KLHL23: variants seen among roughly 807,000 people sequenced by gnomAD.
KLHL23 encodes kelch like family member 23.
KLHL23 carries 33 observed loss-of-function variants against 48.9 expected under a neutral mutation model. The ratio of observed to expected loss-of-function variants is 0.67; its 90% CI spans 0.51 to 0.90. The LOEUF (loss-of-function observed/expected upper bound fraction) is 0.90, where lower values mean the gene tolerates loss of function less well. KLHL23 is among the 40% of genes least tolerant of loss of function. The pLI is 0.00. For synonymous variants in KLHL23, 234 were observed against 231.6 expected (o/e 1.01, Z -0.09); for missense variants, 608 against 669.6 (o/e 0.91, Z 1.02).
intron 2 of KLHL23, among the ~76,000 whole-genome samples, chr2:169,738,861 CCCTCTCTTCCCCCTT>C (rs1688590487): frequency 4.1e-4 from 1 of 2,416 alleles, no homozygotes; most frequent in African/African-American, 2.6e-3. Flanking sequence ...CCTCACCCTC[CCCTCTCTTCCCCCTT>C]CCCCTCCCTC....
chr2:169,734,729 C>T (rs1688471206), intron 1 of KLHL23, among the ~76,000 whole-genome samples: 1 of 152,110 alleles, frequency 6.6e-6, no homozygotes, highest in Non-Finnish European at 1.5e-5. Context: ...CATCTCCGAA[C>T]GCCAGGCCAG....
chr2:169,741,904 G>C (rs1688685452), intron 3 of KLHL23, among the ~76,000 whole-genome samples: 1 of 152,178 alleles, frequency 6.6e-6, no homozygotes, highest in South Asian at 2.1e-4. Flanking sequence ...CAAATAGTCA[G>C]AAAGGGTACC....
intron 2 of KLHL23, among the ~76,000 whole-genome samples, chr2:169,738,760 A>G (rs747171412): frequency 9.9e-5 from 15 of 150,960 alleles, no homozygotes; most frequent in Non-Finnish European, 2.1e-4. Flanking sequence ...AGACAAAACC[A>G]ACGTTTTCAA....
chr2:169,736,279 C>T, intron 2 of KLHL23, 52 bp downstream of exon 2: 1 of 1,529,076 alleles, frequency 6.5e-7, no homozygotes. Flanking sequence ...GGAGCTAGGC[C>T]AGCAGTCTCA....
Position 169,751,878 on chromosome 2 carries a change from A to T in KLHL23, c.*2146A>T, listed in dbSNP as rs1452729075. ...ATTTTCAATAAAAATAAATCACTGTACATAGTAAGACTGCTTGAATTTGGG... is the reference window on the plus strand; with the variant it reads ...ATTTTCAATAAAAATAAATCACTGTTCATAGTAAGACTGCTTGAATTTGGG... On this transcript the variant is annotated 3_prime_UTR_variant, in exon 4 of 4. Transcript: ENST00000392647. 1 of 152,312 alleles carries T rather than the reference A, an allele frequency of 6.6e-6. No individual in the cohort carries two copies. Among genetic ancestry groups the T allele is most frequent in the Admixed American group, 6.5e-5 (1 of 15,296 alleles). The allele number at this position is 152,312 out of a possible 1,614,324, so 9.4% of individuals were successfully genotyped here. A position where few individuals can be genotyped will look rare whatever the true frequency, so the allele number is the denominator to read the frequency against.
intron 2 of KLHL23, among the ~76,000 whole-genome samples, chr2:169,739,248 C>T (rs964131857): frequency 2.6e-5 from 4 of 151,906 alleles, no homozygotes; most frequent in African/African-American, 9.7e-5. Context: ...CCTTCAAAAT[C>T]AGGCCCTCGA....
intron 2 of KLHL23, chr2:169,740,855 C>T (rs1412358300): frequency 6.7e-6 from 1 of 149,592 alleles, no homozygotes; most frequent in Non-Finnish European, 1.5e-5. Flanking sequence ...CACAGACATA[C>T]ACATTAGCTG....
intron 2 of KLHL23, among the ~76,000 whole-genome samples, chr2:169,737,366 C>G (rs1372167302): frequency 6.6e-6 from 1 of 152,124 alleles, no homozygotes; most frequent in Admixed American, 6.5e-5. Flanking sequence ...ACTGTCACAC[C>G]AGGGTGGGAG....
At chr2:169,741,582 T>G (rs1301145718) in intron 3 of KLHL23, 45 bp downstream of exon 3, 2 of 1,552,010 alleles carry the variant, frequency 1.3e-6, no homozygotes, top group African/African-American at 1.4e-5. Flanking sequence ...TGATGTAGTT[T>G]AGTAGCATAA....
chr2:169,750,043 A>ACGTTT lies in KLHL23; in HGVS notation c.*311_*312insCGTTT, dbSNP rs11444477. On this transcript the variant is annotated 3_prime_UTR_variant, in exon 4 of 4. Coordinates refer to ENST00000392647, the MANE Select transcript of KLHL23 (RefSeq NM_144711.6). ...TGTATGTATACATATGTGTATATATAGTATGTATGTATACATGTATGTGTA... is the reference window on the plus strand; with the variant it reads ...TGTATGTATACATATGTGTATATATACGTTTGTATGTATGTATACATGTATGTGTA... The ACGTTT allele has an allele frequency of 0.011, 234 of 21,372 alleles. 50 individuals carry two copies. The highest frequency in any genetic ancestry group is 0.033 in the African/African-American group (222 of 6,816). 1.3% of individuals were successfully genotyped at this position (21,372 alleles called of 1,614,324 possible).
intron 3 of KLHL23, among the ~76,000 whole-genome samples, chr2:169,744,660 G>T (rs898316458): frequency 2.6e-5 from 4 of 151,798 alleles, no homozygotes; most frequent in Non-Finnish European, 4.4e-5. Flanking sequence ...CCAGGTTCAA[G>T]GTATTCTCCT....
intron 3 of KLHL23, 42 bp from the exon 4 acceptor site, chr2:169,749,380 A>C: frequency 6.6e-7 from 1 of 1,503,890 alleles, no homozygotes; most frequent in African/African-American, 1.4e-5. Context: ...TTTGTTTGTT[A>C]TCCTTTAAAA....
intron 3 of KLHL23, among the ~76,000 whole-genome samples, chr2:169,745,987 G>C (rs940484950): frequency 2.6e-5 from 4 of 152,212 alleles, no homozygotes; most frequent in Non-Finnish European, 5.9e-5. Context: ...TGGTGGCTCT[G>C]GGTATGGGGA....
At position 169,741,390 on chromosome 2, in the gene KLHL23, G is replaced by A; in HGVS notation, c.1219G>A (p.Gly407Arg). ...IPIANMIKGV[G>R]NATACVLHDV... Reference sequence around the variant, plus strand: ...TGATTTTAATTAATACGTAGGTGTGGGAAATGCTACTGCCTGTGTCTTACA... The same window carrying A: ...TGATTTTAATTAATACGTAGGTGTGAGAAATGCTACTGCCTGTGTCTTACA... The change falls in exon 3 of 4, where the codon GGA becomes AGA. Residue 407 changes from glycine (G) to arginine (R), a missense_variant. Gly to Arg is a moderately radical substitution (Grantham distance 125). Coordinates refer to ENST00000392647, the MANE Select transcript of KLHL23 (RefSeq NM_144711.6). 6.2e-7 allele frequency: 1 copy of A among 1,609,612 alleles called. No individual in the cohort carries two copies. Among genetic ancestry groups the A allele is most frequent in the Non-Finnish European group, 8.5e-7 (1 of 1,176,884 alleles).
At chr2:169,746,424 C>G (rs1688794907) in intron 3 of KLHL23, among the ~76,000 whole-genome samples, 1 of 152,190 alleles carries the variant, frequency 6.6e-6, no homozygotes, top group Non-Finnish European at 1.5e-5. Flanking sequence ...TTTTATACTT[C>G]TGTGTAAACT....
chr2:169,735,205 C>T lies in KLHL23; in HGVS notation c.191C>T (p.Ala64Val). The T allele has an allele frequency of 1.2e-6, 2 of 1,608,398 alleles. No homozygotes were observed. Among genetic ancestry groups the T allele is most frequent in the Non-Finnish European group, 1.7e-6 (2 of 1,178,748 alleles). ...VLAACSNYFK[A>V]MFTADMKEKF... ...GCTGCTTGCAGCAATTATTTTAAGG[C>T]AATGTTCACAGCTGACATGAAAGAA... is the stretch of plus-strand genomic sequence containing the variant. Residue 64 changes from alanine (A) to valine (V), a missense_variant, in exon 2 of 4, where the codon GCA becomes GTA. Physicochemically the swap from Ala to Val is moderately conservative, Grantham distance 64. Transcript: ENST00000392647. This position sits in a 1 kb window ranked among gnomAD's most constrained non-coding sequence, Gnocchi z 4.5.
At chr2:169,742,341 G>A (rs1214611877) in intron 3 of KLHL23, among the ~76,000 whole-genome samples, 3 of 152,140 alleles carry the variant, frequency 2.0e-5, no homozygotes, top group Non-Finnish European at 4.4e-5. Flanking sequence ...ATCAGGCACT[G>A]GCTAAGCACT....
rs539851773 is a variant in KLHL23 at position 169,741,503 on chromosome 2, C to T, written c.1332C>T (p.Asn444=). The T allele has an allele frequency of 1.5e-5, 25 of 1,613,844 alleles. No homozygotes were observed. Among genetic ancestry groups the T allele is most frequent in the Middle Eastern group, 1.7e-4 (1 of 6,058 alleles). The change falls in exon 3 of 4, where the codon AAC becomes AAT. Residue 444 remains asparagine (N), a synonymous_variant. Coordinates refer to ENST00000392647, the MANE Select transcript of KLHL23 (RefSeq NM_144711.6). ...TTCAGAGCTACAATTCCGATATCAA[C>T]GAATGGAGCCTCATCACCTCCAGTC... ...DKVQSYNSDI[N]EWSLITSSPH...
intron 3 of KLHL23, among the ~76,000 whole-genome samples, chr2:169,745,679 C>G (rs993002981): frequency 1.3e-5 from 2 of 152,038 alleles, no homozygotes; most frequent in South Asian, 4.2e-4. Context: ...TGAGGAATGT[C>G]ATAGATTCAA....
Sources: gnomAD v4.1 joint callset for allele counts (sites outside exome capture counted in the v4.1 genomes callset) on GRCh38, gnomAD v4.1.1 for gene constraint, Gnocchi (gnomAD v3.1) non-coding constraint, MANE v1.5 for transcripts, NCBI Gene and HGNC (gene_info 2026-07-23, HGNC 2026-07-21) for gene names.